NTRK3: variants seen among roughly 807,000 people sequenced by gnomAD.
The protein encoded by NTRK3 is neurotrophic receptor tyrosine kinase 3, also known as NT-3 growth factor receptor.
Under a neutral mutation model 91.7 loss-of-function variants are expected in NTRK3, and 24 were observed. The observed-to-expected ratio is 0.26, with a 90% CI of 0.19 to 0.37. The LOEUF (loss-of-function observed/expected upper bound fraction) is 0.37. NTRK3 is among the 10% of genes least tolerant of loss of function. The pLI is 1.00. For synonymous variants in NTRK3, 483 were observed against 404.0 expected (o/e 1.20, Z -2.34); for missense variants, 880 against 1,068.9 (o/e 0.82, Z 2.46).
intron 14 of NTRK3, among the ~76,000 whole-genome samples, chr15:87,982,388 A>G (rs764284097): frequency 4.7e-4 from 72 of 152,298 alleles, no homozygotes; most frequent in Non-Finnish European, 7.8e-4. Context: ...GAAAAGGCTG[A>G]AGAGGGGCAA....
At chr15:88,168,646 G>T (rs1401518535) in intron 5 of NTRK3, among the ~76,000 whole-genome samples, 1 of 152,236 alleles carries the variant, frequency 6.6e-6, no homozygotes, top group Admixed American at 6.5e-5. Context: ...ACTGCCTCCT[G>T]CAGGGAGTGA....
intron 13 of NTRK3, among the ~76,000 whole-genome samples, chr15:88,104,505 C>A (rs1472236794): frequency 6.6e-6 from 1 of 152,212 alleles, no homozygotes; most frequent in African/African-American, 2.4e-5. Context: ...GCTTCTCACT[C>A]TGTCATCAGC....
chr15:87,996,106 T>C (rs1034939207), intron 14 of NTRK3, among the ~76,000 whole-genome samples: 1 of 152,064 alleles, frequency 6.6e-6, no homozygotes, highest in Non-Finnish European at 1.5e-5. Context: ...TAGCCGGGCA[T>C]GGTGGCACGC....
chr15:87,957,565 A>C (rs1192544086), intron 14 of NTRK3, among the ~76,000 whole-genome samples: 4 of 152,230 alleles, frequency 2.6e-5, no homozygotes, highest in Non-Finnish European at 5.9e-5. Flanking sequence ...CATTTGGCAC[A>C]GTGCATAGGG....
At chr15:88,013,470 T>C (rs1310597550) in intron 14 of NTRK3, among the ~76,000 whole-genome samples, 2 of 151,976 alleles carry the variant, frequency 1.3e-5, no homozygotes, top group Non-Finnish European at 1.5e-5. Context: ...GCAAGAAGAG[T>C]CCCAGTGTGC....
At chr15:88,203,792 T>C (rs2048495818) in intron 3 of NTRK3, among the ~76,000 whole-genome samples, 1 of 152,204 alleles carries the variant, frequency 6.6e-6, no homozygotes, top group African/African-American at 2.4e-5. Flanking sequence ...TGTATTAGAT[T>C]ATCACATGTA....
At chr15:88,072,856 T>C (rs904994639) in intron 13 of NTRK3, 7 of 232,958 alleles carry the variant, frequency 3.0e-5, no homozygotes, top group African/African-American at 4.4e-5. Flanking sequence ...TCCGGAGTTA[T>C]GCGTGTTCTT....
At chr15:87,879,458 G>A (rs539979699) in intron 18 of NTRK3, among the ~76,000 whole-genome samples, 7 of 152,194 alleles carry the variant, frequency 4.6e-5, no homozygotes, top group African/African-American at 9.6e-5. Flanking sequence ...AGGCAGAGGA[G>A]TCCTAGGATT....
At chr15:88,236,778 A>G (rs568940819) in intron 3 of NTRK3, among the ~76,000 whole-genome samples, 2 of 150,980 alleles carry the variant, frequency 1.3e-5, no homozygotes, top group African/African-American at 4.8e-5. Flanking sequence ...TAAAAAAAAA[A>G]AAAAAAAAAA....
intron 17 of NTRK3, among the ~76,000 whole-genome samples, chr15:87,918,199 G>T (rs888277997): frequency 6.6e-5 from 10 of 152,052 alleles, no homozygotes; most frequent in Non-Finnish European, 4.4e-5. Flanking sequence ...GCAATGGCCT[G>T]CCTTTATGGT....
intron 13 of NTRK3, among the ~76,000 whole-genome samples, chr15:88,056,889 G>A (rs1197289013): frequency 2.0e-5 from 3 of 152,296 alleles, no homozygotes; most frequent in African/African-American, 7.2e-5. Flanking sequence ...GAAATGTGTC[G>A]GCCGGGCGCG....
chr15:88,128,958 G>A (rs1158291361), intron 10 of NTRK3, among the ~76,000 whole-genome samples: 1 of 152,130 alleles, frequency 6.6e-6, no homozygotes, highest in African/African-American at 2.4e-5. Flanking sequence ...AAAGTTCCTG[G>A]TTTCAAGGGA....
chr15:88,060,953 C>T (rs1258302729), intron 13 of NTRK3, among the ~76,000 whole-genome samples: 1 of 151,818 alleles, frequency 6.6e-6, no homozygotes, highest in Admixed American at 6.6e-5. Flanking sequence ...TGTTTCTCTC[C>T]TCTTTCCTCT....
chr15:88,058,395 A>C (rs762895100), intron 13 of NTRK3, among the ~76,000 whole-genome samples: 3 of 152,206 alleles, frequency 2.0e-5, no homozygotes, highest in Non-Finnish European at 4.4e-5. Flanking sequence ...TGAATATGTG[A>C]AAAGTGTTTG....
intron 3 of NTRK3, among the ~76,000 whole-genome samples, chr15:88,222,283 C>T (rs1172557937): frequency 6.6e-6 from 1 of 152,192 alleles, no homozygotes; most frequent in East Asian, 1.9e-4. Flanking sequence ...ACACTAAAAC[C>T]TCACAACAAG....
chr15:88,012,405 C>T (rs1362876018), intron 14 of NTRK3, among the ~76,000 whole-genome samples: 1 of 152,208 alleles, frequency 6.6e-6, no homozygotes, highest in Non-Finnish European at 1.5e-5. Flanking sequence ...GCCTTGCTTA[C>T]ATCCTCCTTC....
chr15:87,893,388 A>G (rs2065944066), intron 17 of NTRK3, among the ~76,000 whole-genome samples: 1 of 152,206 alleles, frequency 6.6e-6, no homozygotes, highest in South Asian at 2.1e-4. Context: ...AGGTGTTCGA[A>G]GTCTAGTGGC....
intron 13 of NTRK3, among the ~76,000 whole-genome samples, chr15:88,091,675 T>A (rs983121552): frequency 3.9e-5 from 6 of 152,042 alleles, no homozygotes; most frequent in Non-Finnish European, 7.4e-5. Context: ...AGTAGGGAGA[T>A]CACACACATC....
chr15:88,182,392 C>G (rs2046557148), intron 5 of NTRK3, among the ~76,000 whole-genome samples: 1 of 152,208 alleles, frequency 6.6e-6, no homozygotes, highest in African/African-American at 2.4e-5. Flanking sequence ...CACAGCTCCC[C>G]TGGATGTTCT....
Sources: allele counts gnomAD v4.1 joint callset (sites outside exome capture counted in the v4.1 genomes callset), GRCh38; gene constraint gnomAD v4.1.1; transcripts MANE v1.5; gene names NCBI Gene and HGNC (gene_info 2026-07-23, HGNC 2026-07-21).